The following CNNM2 variants were observed in gnomAD, a reference collection of about 807,000 sequenced individuals.
The protein encoded by CNNM2 is cyclin and CBS domain divalent metal cation transport mediator 2.
A neutral mutation model predicts 66.9 loss-of-function variants in CNNM2; 12 were observed. The observed-to-expected ratio is 0.18, with a 90% CI of 0.11 to 0.29. The LOEUF (loss-of-function observed/expected upper bound fraction) is 0.29, where lower values mean the gene tolerates loss of function less well. Ranked by LOEUF, CNNM2 falls within the 10% of genes least tolerant of loss-of-function variation. The pLI is 1.00. For synonymous variants in CNNM2, 557 were observed against 501.8 expected (o/e 1.11, Z -1.47); for missense variants, 705 against 1,167.7 (o/e 0.60, Z 5.77).
chr10:102,968,609 T>C (rs1410785289), intron 1 of CNNM2, among the ~76,000 whole-genome samples: 6 of 141,792 alleles, frequency 4.2e-5, no homozygotes, highest in Non-Finnish European at 7.7e-5. Context: ...AGTGTAGTGC[T>C]TTTTTTTTTT....
At chr10:103,023,273 C>T (rs1176148492) in intron 1 of CNNM2, among the ~76,000 whole-genome samples, 1 of 152,166 alleles carries the variant, frequency 6.6e-6, no homozygotes, top group Non-Finnish European at 1.5e-5. Flanking sequence ...AACACTGGGC[C>T]TGGCGCAGTG....
At chr10:103,014,906 A>T (rs1564845688) in intron 1 of CNNM2, among the ~76,000 whole-genome samples, 1 of 151,562 alleles carries the variant, frequency 6.6e-6, no homozygotes, top group African/African-American at 2.4e-5. Context: ...AAAAAAAAAA[A>T]TTATAAACTT....
At position 102,918,394 on chromosome 10, in the gene CNNM2, G is replaced by A. The variant is rs1235984313; in HGVS notation, c.-87G>A. On this transcript the variant is annotated 5_prime_UTR_variant, in exon 1 of 8. Transcript: ENST00000369878. This position sits in a 1 kb window ranked among gnomAD's most constrained non-coding sequence, Gnocchi z 4.1. Reference sequence around the variant, plus strand: ...GAACTGCTGAGCACTGGCCGCGGACGCTCCGTTGCAGTCTCGCCCAGGGGC... The same window carrying A: ...GAACTGCTGAGCACTGGCCGCGGACACTCCGTTGCAGTCTCGCCCAGGGGC... The A allele has an allele frequency of 6.5e-7, 1 of 1,532,072 alleles. No individual in the cohort carries two copies. The highest frequency in any genetic ancestry group is 2.5e-5 in the East Asian group (1 of 40,196). 94.9% of individuals were successfully genotyped at this position (1,532,072 alleles called of 1,614,324 possible).
chr10:103,071,706 C>T lies in CNNM2; in HGVS notation c.2168-68C>T. On this transcript the variant is annotated intron_variant, in intron 5 of 7. Transcript: ENST00000369878. ...GATAGAACAAGTATCCCCTCCTGTC[C>T]CTTGATTACAGAGATCTCTGTTCTT... 4.1e-6 allele frequency: 5 copies of T among 1,206,974 alleles called. No homozygotes were observed. Among genetic ancestry groups the T allele is most frequent in the Non-Finnish European group, 6.2e-6 (5 of 808,454 alleles). 74.8% of individuals were successfully genotyped at this position (1,206,974 alleles called of 1,614,324 possible).
intron 1 of CNNM2, among the ~76,000 whole-genome samples, chr10:103,009,698 A>AAG (rs1354496379): frequency 2.4e-5 from 3 of 126,244 alleles, no homozygotes; most frequent in African/African-American, 8.6e-5. Context: ...AAAAAAAAAA[A>AAG]GTATATTGGG....
chr10:103,010,864 C>A (rs1232578577), intron 1 of CNNM2, among the ~76,000 whole-genome samples: 1 of 152,156 alleles, frequency 6.6e-6, no homozygotes, highest in Admixed American at 6.6e-5. Context: ...CCACTCCCCC[C>A]AGCCTCCCAG....
chr10:102,930,888 G>C (rs190663112), intron 1 of CNNM2, among the ~76,000 whole-genome samples: 1 of 151,884 alleles, frequency 6.6e-6, no homozygotes. Context: ...TCCTTTTTAC[G>C]GCCAAATATT....
chr10:103,017,342 G>A (rs2064473754), intron 1 of CNNM2, among the ~76,000 whole-genome samples: 1 of 152,196 alleles, frequency 6.6e-6, no homozygotes, highest in Non-Finnish European at 1.5e-5. Context: ...GCATGGAGGA[G>A]ACAGCAGTGA....
At chr10:102,975,626 A>AG (rs1392573551) in intron 1 of CNNM2, among the ~76,000 whole-genome samples, 1 of 152,190 alleles carries the variant, frequency 6.6e-6, no homozygotes, top group Non-Finnish European at 1.5e-5. Flanking sequence ...CAAATTGCCA[A>AG]GTATGTCAAA....
chr10:103,027,497 G>A (rs1018059381), intron 1 of CNNM2: 2 of 152,290 alleles, frequency 1.3e-5, no homozygotes, highest in South Asian at 2.1e-4. Context: ...TAACCCATTC[G>A]ATGCACCCAG....
At position 103,084,252 on chromosome 10, in the gene CNNM2, T is replaced by C. The variant is rs561519320; in HGVS notation, c.*7072T>C. 19 of 152,326 alleles carry C rather than the reference T, an allele frequency of 1.2e-4. No individual in the cohort carries two copies. Among genetic ancestry groups the C allele is most frequent in the Middle Eastern group, 3.4e-3 (1 of 294 alleles). The allele number at this position is 152,326 out of a possible 1,614,324, so 9.4% of individuals were successfully genotyped here. On this transcript the variant is annotated 3_prime_UTR_variant, in exon 8 of 8. Coordinates refer to ENST00000369878, the MANE Select transcript of CNNM2 (RefSeq NM_017649.5). ...CATTTATAGTCTCCACTGAATTTAT[T>C]TAACCGTGGCATTTGCAGTCTTTTA...
chr10:102,935,497 A>G (rs1364759913), intron 1 of CNNM2, among the ~76,000 whole-genome samples: 3 of 151,904 alleles, frequency 2.0e-5, no homozygotes, highest in Non-Finnish European at 2.9e-5. Context: ...CTCCACATCA[A>G]TTTATCAAGG....
intron 1 of CNNM2, among the ~76,000 whole-genome samples, chr10:103,044,844 T>A (rs1318410668): frequency 1.3e-5 from 2 of 152,230 alleles, no homozygotes; most frequent in African/African-American, 4.8e-5. Flanking sequence ...ATTTTCAGTG[T>A]AAGAAGCCTA....
intron 1 of CNNM2, among the ~76,000 whole-genome samples, chr10:102,981,746 A>G (rs2063724375): frequency 6.6e-6 from 1 of 151,714 alleles, no homozygotes; most frequent in Admixed American, 6.6e-5. Context: ...TTGCCATAAT[A>G]CTATATCTCA....
At chr10:102,923,406 C>G (rs1845729490) in intron 1 of CNNM2, among the ~76,000 whole-genome samples, 1 of 152,142 alleles carries the variant, frequency 6.6e-6, no homozygotes. Context: ...AGGAAATTGA[C>G]TTGGGTGAAA....
chr10:103,089,579 T>TCCCC lies in CNNM2; in HGVS notation c.*12401_*12404dup. 1 of 1,432,684 alleles carries TCCCC rather than the reference T, an allele frequency of 7.0e-7. No homozygotes were observed. Among genetic ancestry groups the TCCCC allele is most frequent in the Non-Finnish European group, 9.2e-7 (1 of 1,091,258 alleles). 88.7% of individuals were successfully genotyped at this position (1,432,684 alleles called of 1,614,324 possible). The stretch of plus-strand genomic sequence containing the variant: ...CGTACCTTTCATGGAGCCCCCTCCC[T>TCCCC]CCCCCGAGTAGAACCCTAACAGGGA... On this transcript the variant is annotated 3_prime_UTR_variant, in exon 8 of 8. Coordinates refer to ENST00000369878, the MANE Select transcript of CNNM2 (RefSeq NM_017649.5).
intron 1 of CNNM2, among the ~76,000 whole-genome samples, chr10:102,994,622 G>A (rs2063955575): frequency 1.3e-5 from 2 of 152,236 alleles, no homozygotes; most frequent in Admixed American, 1.3e-4. Flanking sequence ...CCACTGCCAT[G>A]GTTAGGAAAC....
intron 6 of CNNM2, among the ~76,000 whole-genome samples, chr10:103,075,684 G>A (rs909206532): frequency 3.9e-5 from 6 of 152,066 alleles, no homozygotes; most frequent in African/African-American, 7.2e-5. Flanking sequence ...TTTTTACTTC[G>A]GGCAAAGTAA....
rs1453743808 is a variant in CNNM2, at chr10:103,081,775, G to A, written c.*4595G>A. 1 of 152,204 alleles carries A rather than the reference G, an allele frequency of 6.6e-6. No homozygotes were observed. Among genetic ancestry groups the A allele is most frequent in the African/African-American group, 2.4e-5 (1 of 41,442 alleles). 9.4% of individuals were successfully genotyped at this position (152,204 alleles called of 1,614,324 possible). A position where few individuals can be genotyped will look rare whatever the true frequency, so the allele number is the denominator to read the frequency against. On this transcript the variant is annotated 3_prime_UTR_variant, in exon 8 of 8. Coordinates refer to ENST00000369878, the MANE Select transcript of CNNM2 (RefSeq NM_017649.5). ...TTTGCTACCTTCTTTCCTATCTGGAGATTCATATTCTAGAGTCCCTGGTCA... is the reference window on the plus strand; with the variant it reads ...TTTGCTACCTTCTTTCCTATCTGGAAATTCATATTCTAGAGTCCCTGGTCA...
Sources: gnomAD v4.1 joint callset for allele counts (sites outside exome capture counted in the v4.1 genomes callset) on GRCh38, gnomAD v4.1.1 for gene constraint, Gnocchi (gnomAD v3.1) non-coding constraint, MANE v1.5 for transcripts, NCBI Gene and HGNC (gene_info 2026-07-23, HGNC 2026-07-21) for gene names.